Variants in MAP7D3 observed in about 807,000 individuals in gnomAD.
The protein encoded by MAP7D3 is MAP7 domain-containing protein 3.
A neutral mutation model predicts 62.2 loss-of-function variants in MAP7D3; 45 were observed. That is an observed-to-expected ratio of 0.72 (90% CI 0.57 to 0.93). The LOEUF is 0.93. Among genes scored for constraint, MAP7D3 ranks in the 40% least tolerant of loss-of-function variants. The pLI is 0.00. For missense variants in MAP7D3, 711 were observed against 683.1 expected, an observed-to-expected ratio of 1.04 and a Z score of -0.45; for synonymous variants, 288 against 248.8, an observed-to-expected ratio of 1.16 and a Z score of -1.48.
intron 11 of MAP7D3, among the ~76,000 whole-genome samples, chrX:136,227,698 G>C (rs2074214401): frequency 9.1e-6 from 1 of 110,354 alleles, no homozygotes. Context: ...TACGTGAGAG[G>C]AACTCATTCC....
chrX:136,227,396 G>A lies in MAP7D3; in HGVS notation c.1922C>T (p.Ala641Val), dbSNP rs1265222850. Residue 641 changes from alanine (A) to valine (V), a missense_variant, in exon 12 of 19, where the codon GCA (alanine) becomes GTA (valine). By Grantham distance (64) the Ala-to-Val change is moderately conservative. Coordinates refer to ENST00000316077, the MANE Select transcript of MAP7D3 (RefSeq NM_024597.4). ...GTGGTCTTCTGCTTGGCCTCCAACT[G>A]CTTCCTTTGCCATGTCTTTTGATTT... ...IKKSKDMAKE[A>V]VGGQAEDHLK... 3 of 1,192,611 alleles carry A rather than the reference G, an allele frequency of 2.5e-6. No homozygotes were observed. The highest frequency in any genetic ancestry group is 3.6e-5 in the South Asian group (2 of 56,070).
At chrX:136,254,625 A>G (rs1353748648), upstream of MAP7D3, among the ~76,000 whole-genome samples, 5 of 110,933 alleles carry the variant, frequency 4.5e-5, no homozygotes, top group East Asian at 1.4e-3. Context: ...AACGGCTTCC[A>G]AGGGCTAAGG....
upstream of MAP7D3, chrX:136,251,498 C>A (rs2074513660): frequency 1.2e-6 from 1 of 843,251 alleles, no homozygotes. Context: ...AGGGCCACCG[C>A]GCCCGCCTCG....
At position 136,230,368 on chromosome X, in the gene MAP7D3, T is replaced by C. The variant is rs1405144736; in HGVS notation, c.1750+17A>G. 3.9e-6 allele frequency: 4 copies of C among 1,030,237 alleles called. No individual in the cohort carries two copies. In the African/African-American group the frequency reaches 7.5e-5, roughly 19 times the overall value. The allele number at this position is 1,030,237 out of a possible 1,213,427, so 84.9% of individuals were successfully genotyped here. ...TTTCTGTGTTGCTAAGATAAACTTC[T>C]TAGTGAAAGAACTTACCTTCATAGA... On this transcript the variant is annotated intron_variant, in intron 10 of 18. Coordinates refer to ENST00000316077, the MANE Select transcript of MAP7D3 (RefSeq NM_024597.4).
chrX:136,222,478 T>C lies in MAP7D3; in HGVS notation c.2202A>G (p.Glu734=). ...KTDVNASKVT[E]TSSHDIYEEA... ...CTTCATATATGTCATGGCTGGATGT[T>C]TCTGTGACCTACGATTAAAAAAGGA... is the stretch of plus-strand genomic sequence containing the variant. Residue 734 remains glutamate (E), a synonymous_variant, in exon 15 of 19, where the codon GAA becomes GAG. Transcript: ENST00000316077. 2.5e-6 allele frequency: 3 copies of C among 1,194,253 alleles called. No individual in the cohort carries two copies. In the South Asian group the frequency reaches 5.3e-5, roughly 21 times the overall value.
At chrX:136,224,573 A>G (rs1054842484) in intron 14 of MAP7D3, among the ~76,000 whole-genome samples, 1 of 111,421 alleles carries the variant, frequency 9.0e-6, no homozygotes, top group East Asian at 2.8e-4. Flanking sequence ...AGCAGTATCT[A>G]TAACATTTAA....
chrX:136,233,108 GA>G (rs1285062114), intron 7 of MAP7D3, among the ~76,000 whole-genome samples: 2 of 110,975 alleles, frequency 1.8e-5, no homozygotes, highest in African/African-American at 6.5e-5. Flanking sequence ...CAGTCACTAA[GA>G]GCAATAATAT....
At chrX:136,233,897 C>G (rs1462187289) in intron 7 of MAP7D3, among the ~76,000 whole-genome samples, 2 of 111,209 alleles carry the variant, frequency 1.8e-5, no homozygotes, top group African/African-American at 6.5e-5. Flanking sequence ...TATAGTATGA[C>G]TGGATTTGTA....
At chrX:136,243,539 C>T (rs1396093322) in intron 4 of MAP7D3, among the ~76,000 whole-genome samples, 1 of 111,134 alleles carries the variant, frequency 9.0e-6, no homozygotes, top group African/African-American at 3.3e-5. Context: ...CCCATCTCTA[C>T]TAAAAACACA....
intron 7 of MAP7D3, among the ~76,000 whole-genome samples, chrX:136,234,303 T>C (rs746643378): frequency 1.8e-5 from 2 of 111,006 alleles, no homozygotes; most frequent in African/African-American, 6.5e-5. Flanking sequence ...AATGAGAAAG[T>C]CCACACAACT....
Position 136,231,732 on chromosome X carries a change from C to T in MAP7D3, c.1225G>A (p.Ala409Thr), listed in dbSNP as rs1287034873. 2 of 1,210,089 alleles carry T rather than the reference C, an allele frequency of 1.7e-6. No individual in the cohort carries two copies. The highest frequency in any genetic ancestry group is 3.0e-5 in the East Asian group (1 of 33,778). ...EALPEVSVEAAPEGSLEAPPK... is the reference protein window; with the variant it reads ...EALPEVSVEATPEGSLEAPPK... The stretch of plus-strand genomic sequence containing the variant: ...GGTGCTTCCAGGCTCCCCTCTGGGG[C>T]TGCTTCCACGCTCACCTCTGGCAGT... Residue 409 changes from alanine to threonine, a missense_variant, in exon 8 of 19, where the codon GCC becomes ACC. By Grantham distance (58) the Ala-to-Thr change is moderately conservative (BLOSUM62 0). Transcript: ENST00000316077.
In MAP7D3 at chrX:136,251,341, G is replaced by T; in HGVS notation, c.18C>A (p.Ala6=). ...ATGGGCTGCCGCCAGCGCCAGCTGC[G>T]GCGCCGTCCGCCATCATCGGAGTCG... MMADG[A]AAGAGGSPSL... The change falls in exon 1 of 19, where the codon GCC becomes GCA. Residue 6 remains alanine (A), a synonymous_variant. Transcript: ENST00000316077. The T allele has an allele frequency of 8.9e-7, 1 of 1,126,705 alleles. No homozygotes were observed. The allele number at this position is 1,126,705 out of a possible 1,213,427, so 92.9% of individuals were successfully genotyped here. A position where few individuals can be genotyped will look rare whatever the true frequency, so the allele number is the denominator to read the frequency against.
At chrX:136,225,820 G>T in intron 13 of MAP7D3, 89 bp downstream of exon 13, 2 of 585,626 alleles carry the variant, frequency 3.4e-6, no homozygotes, top group Non-Finnish European at 5.5e-6. Flanking sequence ...GCATATATCA[G>T]ATTTGTGATT....
At chrX:136,237,693 C>T (rs1414144845) in intron 6 of MAP7D3, among the ~76,000 whole-genome samples, 4 of 111,789 alleles carry the variant, frequency 3.6e-5, no homozygotes, top group African/African-American at 6.5e-5. Context: ...TACAATTTAA[C>T]TAATTATTAT....
In MAP7D3 at chrX:136,220,778, C is replaced by T; in HGVS notation, c.2473G>A (p.Glu825Lys). 1.7e-6 allele frequency: 2 copies of T among 1,208,644 alleles called. No homozygotes were observed. The highest frequency in any genetic ancestry group is 2.2e-6 in the Non-Finnish European group (2 of 892,932). ...TAAGTGACTCACCTTGAAACTACTT[C>T]CTGTATTGAAGTGTCTTTCATGCTT... ...QKSMKDTSIQEVVSRPSSKRM... is the reference protein window; with the variant it reads ...QKSMKDTSIQKVVSRPSSKRM... Residue 825 changes from glutamate to lysine, a missense_variant, in exon 16 of 19, where the codon GAA becomes AAA. Glu to Lys is a moderately conservative substitution (Grantham distance 56, BLOSUM62 1). Coordinates refer to ENST00000316077, the MANE Select transcript of MAP7D3 (RefSeq NM_024597.4).
At chrX:136,215,901 A>C (rs1472208486), downstream of MAP7D3, among the ~76,000 whole-genome samples, 1 of 111,588 alleles carries the variant, frequency 9.0e-6, no homozygotes, top group Non-Finnish European at 1.9e-5. Context: ...TAAAGGGGCA[A>C]GGGGAGGAGG....
At chrX:136,220,644 A>T (rs1441294815) in intron 16 of MAP7D3, 121 bp downstream of exon 16, 1 of 600,619 alleles carries the variant, frequency 1.7e-6, no homozygotes, top group African/African-American at 2.3e-5. Context: ...CGTTAAGTCA[A>T]ATATGTGACA....
intron 4 of MAP7D3, among the ~76,000 whole-genome samples, chrX:136,243,663 A>G (rs1445421675): frequency 9.1e-6 from 1 of 109,823 alleles, no homozygotes; most frequent in African/African-American, 3.3e-5. Context: ...AGATCACGCC[A>G]CTATACTCCA....
chrX:136,254,119 C>T (rs886620418), upstream of MAP7D3, among the ~76,000 whole-genome samples: 1 of 109,109 alleles, frequency 9.2e-6, no homozygotes, highest in South Asian at 4.2e-4. Context: ...GAGTCTCACT[C>T]TATCACCCAG....
Sources: allele counts gnomAD v4.1 joint callset (sites outside exome capture counted in the v4.1 genomes callset), GRCh38; gene constraint gnomAD v4.1.1; transcripts MANE v1.5; gene names NCBI Gene and HGNC (gene_info 2026-07-23, HGNC 2026-07-21).